Variants in MGMT observed in about 807,000 individuals in gnomAD.
The protein encoded by MGMT is methylated-DNA--protein-cysteine methyltransferase.
In MGMT, 14 loss-of-function variants were observed where a neutral mutation model predicts 15.9. The observed-to-expected ratio is 0.88, with a 90% CI of 0.58 to 1.37. The LOEUF is 1.37. MGMT is among the 40% of genes most tolerant of loss of function. The pLI, the probability that MGMT is intolerant of heterozygous loss-of-function variation, is 0.00. For synonymous variants in MGMT, 130 were observed against 118.2 expected, an observed-to-expected ratio of 1.10 and a Z score of -0.65; for missense variants, 282 against 268.1, an observed-to-expected ratio of 1.05 and a Z score of -0.36.
intron 2 of MGMT, among the ~76,000 whole-genome samples, chr10:129,638,429 CAAAAAAAAAAAAAAAAG>C (rs1327986095): frequency 1.5e-4 from 9 of 61,756 alleles, no homozygotes; most frequent in African/African-American, 3.7e-4. Context: ...ACCAAAGAGG[CAAAAAAAAAAAAAAAAG>C]AAAAAAAAAA....
intron 1 of MGMT, among the ~76,000 whole-genome samples, chr10:129,501,378 A>G (rs1231218915): frequency 2.0e-5 from 3 of 152,190 alleles, no homozygotes; most frequent in African/African-American, 7.2e-5. Flanking sequence ...ATCCCTTTCA[A>G]GACCGAGAAA....
At chr10:129,614,124 C>A (rs917243516) in intron 2 of MGMT, among the ~76,000 whole-genome samples, 15 of 152,132 alleles carry the variant, frequency 9.9e-5, no homozygotes, top group Admixed American at 2.0e-4. Flanking sequence ...GCCCTGGCAC[C>A]CACCCTTCTA....
chr10:129,709,121 C>G (rs948724150), intron 3 of MGMT, among the ~76,000 whole-genome samples: 5 of 152,214 alleles, frequency 3.3e-5, no homozygotes, highest in African/African-American at 1.2e-4. Flanking sequence ...ACAGAACTGT[C>G]TCCAGAAGGG....
At chr10:129,633,202 A>G (rs1847230395) in intron 2 of MGMT, among the ~76,000 whole-genome samples, 1 of 152,216 alleles carries the variant, frequency 6.6e-6, no homozygotes, top group African/African-American at 2.4e-5. Context: ...TATCTAAATT[A>G]TAGAAAAAAC....
chr10:129,517,470 A>G (rs1020510744), intron 1 of MGMT, among the ~76,000 whole-genome samples: 1 of 152,052 alleles, frequency 6.6e-6, no homozygotes, highest in African/African-American at 2.4e-5. Flanking sequence ...GGCTCATTTG[A>G]TGGCTCTGGC....
intron 2 of MGMT, among the ~76,000 whole-genome samples, chr10:129,567,069 T>A (rs1214743602): frequency 1.3e-5 from 2 of 152,124 alleles, no homozygotes; most frequent in Non-Finnish European, 2.9e-5. Flanking sequence ...GTGTTTCCAT[T>A]TTAGAGACCC....
chr10:129,555,786 T>C (rs968866353), intron 2 of MGMT, among the ~76,000 whole-genome samples: 1 of 152,212 alleles, frequency 6.6e-6, no homozygotes, highest in African/African-American at 2.4e-5. Flanking sequence ...TATGTGCTCT[T>C]AACAAAGAAT....
intron 2 of MGMT, among the ~76,000 whole-genome samples, chr10:129,547,523 T>C (rs1846110489): frequency 6.6e-6 from 1 of 152,116 alleles, no homozygotes; most frequent in Non-Finnish European, 1.5e-5. Context: ...GCAGCTACTT[T>C]AATTTCTGGT....
intron 3 of MGMT, among the ~76,000 whole-genome samples, chr10:129,732,929 T>C (rs1372839047): frequency 6.7e-6 from 1 of 149,698 alleles, no homozygotes; most frequent in African/African-American, 2.5e-5. Flanking sequence ...GGTGTATATG[T>C]GCCACATTTT....
At chr10:129,561,739 C>T (rs1382945730) in intron 2 of MGMT, among the ~76,000 whole-genome samples, 1 of 152,080 alleles carries the variant, frequency 6.6e-6, no homozygotes, top group Admixed American at 6.5e-5. Flanking sequence ...ATTCTCTTTC[C>T]TTATTGTCAT....
At chr10:129,721,247 A>T (rs1017701325) in intron 3 of MGMT, among the ~76,000 whole-genome samples, 1 of 152,272 alleles carries the variant, frequency 6.6e-6, no homozygotes. Flanking sequence ...AAAACTAATG[A>T]TGTTACAGAT....
chr10:129,722,525 A>G (rs955960263), intron 3 of MGMT, among the ~76,000 whole-genome samples: 6 of 152,248 alleles, frequency 3.9e-5, no homozygotes, highest in Admixed American at 6.5e-5. Flanking sequence ...TATTTAAAAC[A>G]ATCTTGAAAA....
intron 2 of MGMT, among the ~76,000 whole-genome samples, chr10:129,666,244 T>C (rs1245743763): frequency 6.6e-6 from 1 of 152,212 alleles, no homozygotes; most frequent in African/African-American, 2.4e-5. Flanking sequence ...ATCATATATC[T>C]TTTTCCATGC....
intron 2 of MGMT, among the ~76,000 whole-genome samples, chr10:129,642,665 A>T (rs898318705): frequency 1.3e-5 from 2 of 152,184 alleles, no homozygotes; most frequent in African/African-American, 4.8e-5. Flanking sequence ...ACTAAATGCT[A>T]TTAGCATCTC....
At chr10:129,742,717 C>T (rs1316190405) in intron 3 of MGMT, among the ~76,000 whole-genome samples, 2 of 149,408 alleles carry the variant, frequency 1.3e-5, no homozygotes, top group Non-Finnish European at 3.0e-5. Flanking sequence ...GGGCGTTCAG[C>T]AGTGCCCCAC....
intron 1 of MGMT, among the ~76,000 whole-genome samples, chr10:129,471,240 A>G (rs1377563744): frequency 2.6e-5 from 4 of 152,184 alleles, no homozygotes; most frequent in Non-Finnish European, 5.9e-5. Flanking sequence ...ATTGAGTCAT[A>G]TGCATAGAGG....
At chr10:129,488,871 C>T (rs535848262) in intron 1 of MGMT, among the ~76,000 whole-genome samples, 4 of 152,188 alleles carry the variant, frequency 2.6e-5, no homozygotes, top group African/African-American at 9.6e-5. Flanking sequence ...AAACATGTGA[C>T]ATGTGGATAT....
intron 3 of MGMT, among the ~76,000 whole-genome samples, chr10:129,751,453 T>C (rs1305394763): frequency 2.6e-5 from 4 of 151,966 alleles, no homozygotes; most frequent in Admixed American, 1.3e-4. Context: ...ATTGATCATT[T>C]CATGGAACTC....
At chr10:129,743,961 A>T (rs903303288) in intron 3 of MGMT, among the ~76,000 whole-genome samples, 1 of 152,222 alleles carries the variant, frequency 6.6e-6, no homozygotes, top group African/African-American at 2.4e-5. Flanking sequence ...CATGCTGGCC[A>T]TGCCTGGCTG....
Sources: allele counts gnomAD v4.1 joint callset (sites outside exome capture counted in the v4.1 genomes callset), GRCh38; gene constraint gnomAD v4.1.1; transcripts MANE v1.5; gene names NCBI Gene and HGNC (gene_info 2026-07-23, HGNC 2026-07-21).